Variants in NAA50 observed in about 807,000 individuals in gnomAD.
NAA50 encodes the protein N-alpha-acetyltransferase 50, NatE catalytic subunit.
Under a neutral mutation model 20.7 loss-of-function variants are expected in NAA50, and 7 were observed. That is an observed-to-expected ratio of 0.34 (90% CI 0.19 to 0.63). The LOEUF is 0.63. Ranked by LOEUF, NAA50 falls within the 30% of genes least tolerant of loss-of-function variation. NAA50 has a pLI of 0.75. For synonymous variants in NAA50, 54 were observed against 70.6 expected (o/e 0.77, Z 1.18); for missense variants, 111 against 199.1 (o/e 0.56, Z 2.66).
Position 113,721,658 on chromosome 3 carries a change from G to A in NAA50, c.*102C>T. 1 of 1,206,748 alleles carries A rather than the reference G, an allele frequency of 8.3e-7. No homozygotes were observed. Among genetic ancestry groups the A allele is most frequent in the Non-Finnish European group, 1.2e-6 (1 of 835,696 alleles). 74.8% of individuals were successfully genotyped at this position (1,206,748 alleles called of 1,614,324 possible). On this transcript the variant is annotated 3_prime_UTR_variant, in exon 5 of 5. Coordinates refer to ENST00000240922, the MANE Select transcript of NAA50 (RefSeq NM_025146.4). ...AGAAAGAAAAACAAGAACAAGGAGG[G>A]AGAAAAGCTTTAAAAGAAAAGTGTT...
chr3:113,723,951 T>C lies in NAA50; in HGVS notation c.145+8A>G, dbSNP rs114234573. Reference sequence around the variant, plus strand: ...AGAAGGGAGGACAAAAAAAAAACTATATTATACCAAGTTTTGCTAGCTCGC... The same window carrying C: ...AGAAGGGAGGACAAAAAAAAAACTACATTATACCAAGTTTTGCTAGCTCGC... On this transcript the variant is annotated splice_region_variant and intron_variant, in intron 2 of 4. Coordinates refer to ENST00000240922, the MANE Select transcript of NAA50 (RefSeq NM_025146.4). 4,070 of 1,569,336 alleles carry C rather than the reference T, an allele frequency of 2.6e-3. 31 individuals carry two copies. The highest frequency in any genetic ancestry group is 0.024 in the African/African-American group (1,740 of 72,572).
Position 113,723,032 on chromosome 3 carries a change from C to G in NAA50, c.266-60G>C, listed in dbSNP as rs1320103540. ...ATAAATCAACCTTTAAATTATGTATCTATCCACTTGCCATCTGAACTACTT... is the reference window on the plus strand; with the variant it reads ...ATAAATCAACCTTTAAATTATGTATGTATCCACTTGCCATCTGAACTACTT... On this transcript the variant is annotated intron_variant, in intron 3 of 4. Transcript: ENST00000240922. The G allele has an allele frequency of 2.7e-6, 4 of 1,459,708 alleles. No homozygotes were observed. The Admixed American group carries it at 7.7e-5, about 28-fold the overall frequency. 90.4% of individuals were successfully genotyped at this position (1,459,708 alleles called of 1,614,324 possible).
At chr3:113,740,367 GT>G (rs139037753) in intron 1 of NAA50, among the ~76,000 whole-genome samples, 9 of 152,116 alleles carry the variant, frequency 5.9e-5, no homozygotes, top group African/African-American at 2.2e-4. Context: ...ATAACTGTGA[GT>G]TTTTTCTTTT....
chr3:113,735,044 C>T (rs16861294), intron 1 of NAA50, among the ~76,000 whole-genome samples: 2,279 of 152,206 alleles, frequency 0.015, 52 homozygotes, highest in African/African-American at 0.05. Flanking sequence ...ACAGCTATTT[C>T]CTGAAACATA....
At chr3:113,740,387 G>T (rs543584481) in intron 1 of NAA50, among the ~76,000 whole-genome samples, 1 of 152,034 alleles carries the variant, frequency 6.6e-6, no homozygotes. Flanking sequence ...TTTGAGACAG[G>T]GTCTCCCTCT....
chr3:113,719,498 T>G lies in NAA50; in HGVS notation c.*2262A>C, dbSNP rs1357968313. 2.0e-5 allele frequency: 3 copies of G among 152,632 alleles called. No homozygotes were observed. The highest frequency in any genetic ancestry group is 4.4e-5 in the Non-Finnish European group (3 of 68,016). The allele number at this position is 152,632 out of a possible 1,614,324, so 9.5% of individuals were successfully genotyped here. A position where few individuals can be genotyped will look rare whatever the true frequency, so the allele number is the denominator to read the frequency against. Reference sequence around the variant, plus strand: ...CAGTCTTTACTGACTCATAGGCATATGAACTTGTGCCCAGCTTTTTACCTC... The same window carrying G: ...CAGTCTTTACTGACTCATAGGCATAGGAACTTGTGCCCAGCTTTTTACCTC... On this transcript the variant is annotated 3_prime_UTR_variant, in exon 5 of 5. Transcript: ENST00000240922.
At chr3:113,731,618 C>T (rs1708274637) in intron 1 of NAA50, among the ~76,000 whole-genome samples, 2 of 152,134 alleles carry the variant, frequency 1.3e-5, no homozygotes, top group South Asian at 4.1e-4. Context: ...GGTGCATCCG[C>T]AATCAATCCC....
chr3:113,719,356 C>T lies in NAA50; in HGVS notation c.*2404G>A, dbSNP rs1370124065. 6.6e-6 allele frequency: 1 copy of T among 152,348 alleles called. No individual in the cohort carries two copies. The highest frequency in any genetic ancestry group is 1.5e-5 in the Non-Finnish European group (1 of 68,026). The allele number at this position is 152,348 out of a possible 1,614,324, so 9.4% of individuals were successfully genotyped here. ...CTATTTGCCCCACAGTAAAAACTATCTGTCCTGAAAAATATGATGGATATA... is the reference window on the plus strand; with the variant it reads ...CTATTTGCCCCACAGTAAAAACTATTTGTCCTGAAAAATATGATGGATATA... On this transcript the variant is annotated 3_prime_UTR_variant, in exon 5 of 5. Transcript: ENST00000240922.
At chr3:113,722,305 A>G (rs35989573) in intron 4 of NAA50, among the ~76,000 whole-genome samples, 46,704 of 151,998 alleles carry the variant, frequency 0.31, 8,034 homozygotes, top group Admixed American at 0.4. Context: ...GCTTGAAGAT[A>G]TATCTTCCTT....
chr3:113,732,648 G>A (rs930656003), intron 1 of NAA50, among the ~76,000 whole-genome samples: 55 of 152,242 alleles, frequency 3.6e-4, no homozygotes, highest in African/African-American at 1.1e-3. Context: ...TTATAAGGAC[G>A]CTAGTCATTA....
rs1708074103 is a variant in NAA50, at chr3:113,717,632, G to A, written c.*4128C>T. On this transcript the variant is annotated 3_prime_UTR_variant, in exon 5 of 5. Coordinates refer to ENST00000240922, the MANE Select transcript of NAA50 (RefSeq NM_025146.4). Reference sequence around the variant, plus strand: ...TTTACTCCCTGAAAAACTTCTATAGGCTTACTGTTCCTATTTGTGACTGTA... The same window carrying A: ...TTTACTCCCTGAAAAACTTCTATAGACTTACTGTTCCTATTTGTGACTGTA... 1 of 152,016 alleles carries A rather than the reference G, an allele frequency of 6.6e-6. No homozygotes were observed. The highest frequency in any genetic ancestry group is 1.5e-5 in the Non-Finnish European group (1 of 68,016). 9.4% of individuals were successfully genotyped at this position (152,016 alleles called of 1,614,324 possible). A position where few individuals can be genotyped will look rare whatever the true frequency, so the allele number is the denominator to read the frequency against.
In NAA50 at chr3:113,716,804, A is replaced by G. The variant is rs1708055564; in HGVS notation, c.*4956T>C. ...ATCAGGAATATCTAATACAAAGCTT[A>G]CAAACTCCAAAATAGTTCAGCCAAT... On this transcript the variant is annotated 3_prime_UTR_variant, in exon 5 of 5. Coordinates refer to ENST00000240922, the MANE Select transcript of NAA50 (RefSeq NM_025146.4). 1.3e-5 allele frequency: 2 copies of G among 152,256 alleles called. No individual in the cohort carries two copies. Among genetic ancestry groups the G allele is most frequent in the South Asian group, 4.1e-4 (2 of 4,832 alleles). 9.4% of individuals were successfully genotyped at this position (152,256 alleles called of 1,614,324 possible).
chr3:113,732,247 C>T (rs1332806583), intron 1 of NAA50, among the ~76,000 whole-genome samples: 1 of 152,098 alleles, frequency 6.6e-6, no homozygotes, highest in East Asian at 1.9e-4. Context: ...CAACAGAATA[C>T]TATTCAGACA....
intron 1 of NAA50, among the ~76,000 whole-genome samples, chr3:113,726,486 T>TAA (rs67748316): frequency 1.4e-5 from 2 of 141,718 alleles, no homozygotes; most frequent in African/African-American, 2.6e-5. Flanking sequence ...ACCATTCACA[T>TAA]AAAAAAAAAA....
intron 1 of NAA50, among the ~76,000 whole-genome samples, chr3:113,742,028 T>A (rs963946305): frequency 6.6e-5 from 10 of 152,180 alleles, no homozygotes; most frequent in Non-Finnish European, 1.2e-4. Flanking sequence ...ATTGATTTTT[T>A]AAAAAAACTT....
intron 1 of NAA50, chr3:113,741,140 A>C: frequency 1.8e-6 from 1 of 545,792 alleles, no homozygotes; most frequent in Non-Finnish European, 3.6e-6. Flanking sequence ...ATAATCAAAG[A>C]AACACACATA....
intron 1 of NAA50, among the ~76,000 whole-genome samples, chr3:113,745,498 C>G (rs1708480352): frequency 6.6e-6 from 1 of 152,294 alleles, no homozygotes; most frequent in African/African-American, 2.4e-5. Context: ...TGCACAGCTC[C>G]CAAGCGTGAA....
chr3:113,729,817 C>T (rs1292014778), intron 1 of NAA50, among the ~76,000 whole-genome samples: 1 of 152,138 alleles, frequency 6.6e-6, no homozygotes, highest in East Asian at 1.9e-4. Flanking sequence ...CTCAGCCTCC[C>T]AAAGTGCTGG....
chr3:113,723,937 C>CAAA (rs759015612), intron 2 of NAA50, 22 bp downstream of exon 2: 5 of 1,282,724 alleles, frequency 3.9e-6, no homozygotes, highest in Non-Finnish European at 4.2e-6. Flanking sequence ...GAAGGGAGGA[C>CAAA]AAAAAAAAAA....
Sources: allele counts gnomAD v4.1 joint callset (sites outside exome capture counted in the v4.1 genomes callset), GRCh38; gene constraint gnomAD v4.1.1; transcripts MANE v1.5; gene names NCBI Gene and HGNC (gene_info 2026-07-23, HGNC 2026-07-21).